Variants in C16orf89 observed in about 807,000 individuals in gnomAD.
The protein encoded by C16orf89 is UPF0764 protein C16orf89.
C16orf89 carries 57 observed loss-of-function variants against 41.5 expected under a neutral mutation model. That is an observed-to-expected ratio of 1.38 (90% CI 1.11 to 1.71). The LOEUF (loss-of-function observed/expected upper bound fraction) is 1.71, where lower values mean the gene tolerates loss of function less well. Among genes scored for constraint, C16orf89 ranks in the 40% most tolerant of loss-of-function variants. C16orf89 has a pLI of 0.00. For missense variants in C16orf89, 575 were observed against 445.9 expected (o/e 1.29, Z -2.61); for synonymous variants, 223 against 190.6 (o/e 1.17, Z -1.40).
chr16:5,058,427 C>A, intron 4 of C16orf89, 66 bp downstream of exon 4: 1 of 1,408,482 alleles, frequency 7.1e-7, no homozygotes, highest in Non-Finnish European at 9.9e-7. Flanking sequence ...GCCACCACGT[C>A]CGGCTGCCCC....
rs370623463 is a variant in C16orf89 at position 5,058,543 on chromosome 16, A to C, written c.577T>G (p.Ser193Ala). The C allele has an allele frequency of 3.7e-6, 6 of 1,612,760 alleles. No individual in the cohort carries two copies. The highest frequency in any genetic ancestry group is 5.1e-6 in the Non-Finnish European group (6 of 1,179,900). Residue 193 changes from serine to alanine, a missense_variant, in exon 4 of 8, where the codon TCA becomes GCA. Ser to Ala is a moderately conservative substitution (Grantham distance 99). Coordinates refer to ENST00000472572, the MANE Select transcript of C16orf89 (RefSeq NM_001098514.3). ...CRSLMTKPGC[S>A]GYCLSHQLLF... Reference sequence around the variant, plus strand: ...AGTTGGTGGGACAGGCAGTAGCCTGAGCAGCCGGGCTTGGTCATGAGGCTC... The same window carrying C: ...AGTTGGTGGGACAGGCAGTAGCCTGCGCAGCCGGGCTTGGTCATGAGGCTC...
At chr16:5,053,875 G>A (rs1956441434) in intron 6 of C16orf89, among the ~76,000 whole-genome samples, 1 of 152,184 alleles carries the variant, frequency 6.6e-6, no homozygotes, top group Admixed American at 6.5e-5. Context: ...AATTTGGAAT[G>A]TTCCCAACAC....
intron 3 of C16orf89, among the ~76,000 whole-genome samples, chr16:5,059,390 T>C (rs1053932020): frequency 6.6e-6 from 1 of 151,744 alleles, no homozygotes; most frequent in East Asian, 2.0e-4. Context: ...CACTTGAACC[T>C]GGTAGGAGGA....
Position 5,055,336 on chromosome 16 carries a change from T to C in C16orf89, c.778A>G (p.Met260Val). The change falls in exon 6 of 8, where the codon ATG (methionine) becomes GTG (valine). Residue 260 changes from methionine (M) to valine (V), a missense_variant. Physicochemically the swap from Met to Val is conservative, Grantham distance 21. Transcript: ENST00000472572. ...IFMENIMFCG[M>V]GGFSDFYKLR... is the part of the protein sequence containing the mutation. ...TTGTAGAAGTCGGAGAAGCCGCCCA[T>C]TCCACAGAACATGACTGGAAGTAAA... 1 of 1,611,094 alleles carries C rather than the reference T, an allele frequency of 6.2e-7. No homozygotes were observed. Among genetic ancestry groups the C allele is most frequent in the Non-Finnish European group, 8.5e-7 (1 of 1,178,312 alleles).
At chr16:5,060,948 T>TTTG (rs1555449332) in intron 2 of C16orf89, among the ~76,000 whole-genome samples, 2 of 145,314 alleles carry the variant, frequency 1.4e-5, no homozygotes, top group Non-Finnish European at 3.0e-5. Flanking sequence ...GATCAGCCTT[T>TTTG]TTTTTTTTTT....
At position 5,058,442 on chromosome 16, in the gene C16orf89, C is replaced by A. The variant is rs561395010; in HGVS notation, c.627+51G>T. On this transcript the variant is annotated intron_variant, in intron 4 of 7. Transcript: ENST00000472572. ...GCCACCACGTCCGGCTGCCCCTTTT[C>A]CTTTTTCCTTCCCCTTCCCCTGGCA... 12 of 1,499,320 alleles carry A rather than the reference C, an allele frequency of 8.0e-6. No individual in the cohort carries two copies. In the East Asian group the frequency reaches 9.3e-5, roughly 12 times the overall value. The allele number at this position is 1,499,320 out of a possible 1,614,324, so 92.9% of individuals were successfully genotyped here.
At chr16:5,048,707 A>G (rs1956346137) in intron 6 of C16orf89, among the ~76,000 whole-genome samples, 1 of 152,350 alleles carries the variant, frequency 6.6e-6, no homozygotes, top group Admixed American at 6.5e-5. Flanking sequence ...TTACTGGTAG[A>G]GGAGAAATAG....
intron 3 of C16orf89, among the ~76,000 whole-genome samples, chr16:5,058,817 T>G (rs1300355861): frequency 2.6e-5 from 4 of 152,108 alleles, no homozygotes; most frequent in Admixed American, 6.6e-5. Context: ...GCTAGAGCTA[T>G]TCTGGGGTTG....
intron 7 of C16orf89, among the ~76,000 whole-genome samples, chr16:5,045,292 C>T (rs1220431030): frequency 6.6e-6 from 1 of 152,234 alleles, no homozygotes. Flanking sequence ...AGCTCATTTC[C>T]TGACCCCAGT....
chr16:5,059,036 T>A (rs893592938), intron 3 of C16orf89, among the ~76,000 whole-genome samples: 1 of 151,898 alleles, frequency 6.6e-6, no homozygotes, highest in Admixed American at 6.6e-5. Flanking sequence ...GGTCAGGAGT[T>A]CGAGACCAGC....
At chr16:5,056,659 C>T (rs1286595615) in intron 4 of C16orf89, among the ~76,000 whole-genome samples, 1 of 152,138 alleles carries the variant, frequency 6.6e-6, no homozygotes, top group Non-Finnish European at 1.5e-5. Flanking sequence ...GCTGGTGACT[C>T]CCCACACTGG....
chr16:5,063,289 G>T (rs528148374), intron 1 of C16orf89, among the ~76,000 whole-genome samples: 2 of 152,148 alleles, frequency 1.3e-5, no homozygotes, highest in African/African-American at 4.8e-5. Flanking sequence ...CCTCCAGGGC[G>T]ACCGGCTCTG....
intron 6 of C16orf89, among the ~76,000 whole-genome samples, chr16:5,054,095 CTT>C (rs1318439507): frequency 2.0e-5 from 3 of 152,188 alleles, no homozygotes; most frequent in Non-Finnish European, 4.4e-5. Context: ...CGTATAAACT[CTT>C]TTAAAAACGC....
Position 5,056,035 on chromosome 16 carries a change from G to GC in C16orf89, c.763+17dup. 1 of 1,580,506 alleles carries GC rather than the reference G, an allele frequency of 6.3e-7. No individual in the cohort carries two copies. Among genetic ancestry groups the GC allele is most frequent in the Non-Finnish European group, 8.6e-7 (1 of 1,157,158 alleles). On this transcript the variant is annotated intron_variant, in intron 5 of 7. Transcript: ENST00000472572. ...GACACCCTGTTCCTTTGCCCCGGGGGCAGAATGCTGGCCATACTGTTTTCC... is the reference window on the plus strand; with the variant it reads ...GACACCCTGTTCCTTTGCCCCGGGGGCCAGAATGCTGGCCATACTGTTTTCC...
At chr16:5,057,289 T>TGTGTATATATATATATAGTG (rs1956529229) in intron 4 of C16orf89, among the ~76,000 whole-genome samples, 1 of 129,392 alleles carries the variant, frequency 7.7e-6, no homozygotes, top group Non-Finnish European at 1.7e-5. Flanking sequence ...TATATATATA[T>TGTGTATATATATATATAGTG]GTGTATATAT....
At chr16:5,054,165 A>G (rs946872983) in intron 6 of C16orf89, among the ~76,000 whole-genome samples, 3 of 152,194 alleles carry the variant, frequency 2.0e-5, no homozygotes, top group African/African-American at 4.8e-5. Flanking sequence ...TAATGAGGAC[A>G]CTAGCATTTC....
chr16:5,044,604 G>A (rs769621981), intron 7 of C16orf89, 126 bp from the exon 8 acceptor site: 3 of 1,503,670 alleles, frequency 2.0e-6, no homozygotes, highest in Non-Finnish European at 2.7e-6. Context: ...CACTTTGGGA[G>A]CCTGAGGTGG....
At chr16:5,058,716 A>T in intron 3 of C16orf89, 106 bp from the exon 4 acceptor site, 1 of 876,742 alleles carries the variant, frequency 1.1e-6, no homozygotes, top group Non-Finnish European at 1.7e-6. Flanking sequence ...GATTCCAGAC[A>T]CCCAGCTGGG....
At chr16:5,048,427 G>A (rs904554908) in intron 6 of C16orf89, among the ~76,000 whole-genome samples, 4 of 152,044 alleles carry the variant, frequency 2.6e-5, no homozygotes, top group South Asian at 4.1e-4. Flanking sequence ...AGGCTATTCC[G>A]GAAGTTTCCT....
Sources: gnomAD v4.1 joint callset for allele counts (sites outside exome capture counted in the v4.1 genomes callset) on GRCh38, gnomAD v4.1.1 for gene constraint, MANE v1.5 for transcripts, NCBI Gene and HGNC (gene_info 2026-07-23, HGNC 2026-07-21) for gene names.